SBF2: variants seen among roughly 807,000 people sequenced by gnomAD.
SBF2 encodes the protein SET binding factor 2.
A neutral mutation model predicts 225.2 loss-of-function variants in SBF2; 112 were observed. The ratio of observed to expected loss-of-function variants is 0.50; its 90% confidence interval spans 0.43 to 0.58. SBF2 has a LOEUF of 0.58. SBF2 is among the 20% of genes least tolerant of loss of function. The pLI is 0.00. For synonymous variants in SBF2, 763 were observed against 773.3 expected (o/e 0.99, Z 0.22); for missense variants, 1,996 against 2,206.2 (o/e 0.90, Z 1.91).
chr11:9,829,453 C>T lies in SBF2; in HGVS notation c.3696G>A (p.Glu1232=), dbSNP rs1305230026. Residue 1232 remains glutamate, a synonymous_variant, in exon 28 of 40, where the codon GAG becomes GAA. Transcript: ENST00000256190. ...SLESSSSIEQ[E]KYLQALLNAV... ...CATTCAGTAAGGCTTGCAAGTATTT[C>T]TCTTGTTCTATGCTACTGGAAGATT... is the stretch of plus-strand genomic sequence containing the variant. 2 of 1,613,386 alleles carry T rather than the reference C, an allele frequency of 1.2e-6. No homozygotes were observed. The highest frequency in any genetic ancestry group is 2.7e-5 in the African/African-American group (2 of 74,926).
intron 5 of SBF2, among the ~76,000 whole-genome samples, chr11:10,029,411 T>C (rs1025703804): frequency 6.6e-6 from 1 of 152,170 alleles, no homozygotes; most frequent in African/African-American, 2.4e-5. Flanking sequence ...TTAATAAAAA[T>C]GAGATGTAAC....
At position 9,785,053 on chromosome 11, in the gene SBF2, G is replaced by C. The variant is rs1852280485; in HGVS notation, c.5231+72C>G. 4 of 1,325,326 alleles carry C rather than the reference G, an allele frequency of 3.0e-6. No homozygotes were observed. The South Asian group carries it at 4.7e-5, about 16-fold the overall frequency. 82.1% of individuals were successfully genotyped at this position (1,325,326 alleles called of 1,614,324 possible). The stretch of plus-strand genomic sequence containing the variant: ...CTGTACTGCACAGGCCTAGCTTATT[G>C]AGGGACCTGTGGTTTAGCCTCAGGT... On this transcript the variant is annotated intron_variant, in intron 37 of 39. Transcript: ENST00000256190.
chr11:10,246,147 AG>A (rs1717076858), intron 1 of SBF2, among the ~76,000 whole-genome samples: 1 of 152,254 alleles, frequency 6.6e-6, no homozygotes, highest in African/African-American at 2.4e-5. Context: ...ACACAAAAAA[AG>A]AAAGAGTGGG....
chr11:9,825,121 G>C (rs1854992017), intron 28 of SBF2, among the ~76,000 whole-genome samples: 1 of 152,096 alleles, frequency 6.6e-6, no homozygotes, highest in Non-Finnish European at 1.5e-5. Flanking sequence ...CAGTGCCTCA[G>C]AATATATATC....
At chr11:9,895,078 A>T (rs10770072) in intron 17 of SBF2, among the ~76,000 whole-genome samples, 78,061 of 152,066 alleles carry the variant, frequency 0.51, 20,668 homozygotes, top group African/African-American at 0.62. Context: ...ATTCATCCCT[A>T]AACCAAAATA....
intron 6 of SBF2, among the ~76,000 whole-genome samples, chr11:10,008,934 A>G (rs573746940): frequency 6.6e-6 from 1 of 152,360 alleles, no homozygotes; most frequent in South Asian, 2.1e-4. Context: ...CCTGCCAGAT[A>G]ATGGGGATAA....
chr11:9,849,627 T>C (rs1424489653), intron 22 of SBF2, among the ~76,000 whole-genome samples: 5 of 152,218 alleles, frequency 3.3e-5, no homozygotes, highest in Non-Finnish European at 5.9e-5. Flanking sequence ...ATAGTTAGCA[T>C]ATCCTTCCAC....
intron 6 of SBF2, among the ~76,000 whole-genome samples, chr11:10,008,288 C>A (rs529326400): frequency 1.3e-5 from 2 of 152,264 alleles, no homozygotes; most frequent in East Asian, 3.9e-4. Context: ...ACAAGAGGCC[C>A]TAGTGAAACA....
Position 9,962,070 on chromosome 11 carries a change from C to T in SBF2, c.1747G>A (p.Ala583Thr), listed in dbSNP as rs772548517. Reference protein sequence around the residue: ...PAALRALKGKAARQCLTDELG... With the variant: ...PAALRALKGKTARQCLTDELG... The stretch of plus-strand genomic sequence containing the variant: ...TCATCAGTGAGACACTGTCTTGCTG[C>T]CTTTCCTTTAAGGGCTCTGAGTGCA... Residue 583 changes from alanine (A) to threonine (T), a missense_variant, in exon 16 of 40, where the codon GCA (alanine) becomes ACA (threonine). Transcript: ENST00000256190. 2.5e-6 allele frequency: 4 copies of T among 1,614,078 alleles called. No homozygotes were observed. The highest frequency in any genetic ancestry group is 2.2e-5 in the East Asian group (1 of 44,866).
intron 1 of SBF2, among the ~76,000 whole-genome samples, chr11:10,228,534 A>G (rs887530407): frequency 2.1e-4 from 32 of 152,178 alleles, no homozygotes; most frequent in Admixed American, 8.5e-4. Flanking sequence ...AGCATGAAGC[A>G]TTGTTGAATT....
intron 32 of SBF2, among the ~76,000 whole-genome samples, chr11:9,803,635 T>C (rs982165203): frequency 5.9e-5 from 9 of 152,184 alleles, no homozygotes; most frequent in Non-Finnish European, 8.8e-5. Flanking sequence ...CTGACCCTAA[T>C]GTTTAGGTGT....
intron 13 of SBF2, among the ~76,000 whole-genome samples, chr11:9,983,377 C>T (rs1471599375): frequency 6.6e-6 from 1 of 152,128 alleles, no homozygotes; most frequent in Non-Finnish European, 1.5e-5. Context: ...TACACAACTC[C>T]AGTGAGCTGG....
chr11:10,204,052 G>A (rs1260957961), intron 1 of SBF2, among the ~76,000 whole-genome samples: 3 of 151,652 alleles, frequency 2.0e-5, no homozygotes, highest in Admixed American at 2.0e-4. Context: ...TCCCAAACAC[G>A]AAGAACACAC....
chr11:10,299,650 C>G (rs1160479954), intron 1 of SBF2, among the ~76,000 whole-genome samples: 2 of 150,976 alleles, frequency 1.3e-5, no homozygotes, highest in East Asian at 3.9e-4. Flanking sequence ...AGGCCGTGTG[C>G]TACTGAACAG....
At chr11:10,136,654 T>C (rs2135120149) in intron 2 of SBF2, among the ~76,000 whole-genome samples, 1 of 152,332 alleles carries the variant, frequency 6.6e-6, no homozygotes, top group East Asian at 1.9e-4. Context: ...TAAGGTACTC[T>C]TGTGGGACTG....
At chr11:10,038,073 G>C (rs1448877147) in intron 3 of SBF2, among the ~76,000 whole-genome samples, 4 of 151,884 alleles carry the variant, frequency 2.6e-5, no homozygotes, top group African/African-American at 7.2e-5. Flanking sequence ...ATACACAATA[G>C]GGTCTGCTTC....
chr11:9,787,601 A>C (rs201459533), intron 36 of SBF2, 33 bp downstream of exon 36: 148 of 1,575,288 alleles, frequency 9.4e-5, no homozygotes, highest in Non-Finnish European at 1.3e-4. Context: ...CAGAAAGCTC[A>C]GAAGTGGCTC....
At chr11:10,172,182 T>C (rs1289451206) in intron 2 of SBF2, among the ~76,000 whole-genome samples, 1 of 152,146 alleles carries the variant, frequency 6.6e-6, no homozygotes, top group Non-Finnish European at 1.5e-5. Context: ...ATCTTGGGTT[T>C]GGTTTGCTCT....
rs542694400 is a variant in SBF2, at chr11:10,120,712, C to T, written c.141+73190G>A. 3.6e-4 allele frequency among the ~76,000 whole-genome samples: 55 copies of T among 152,274 alleles called. 1 individual carries two copies. The South Asian group carries it at 1.0e-2, about 28-fold the overall frequency. On this transcript the variant is annotated intron_variant, in intron 2 of 39. Coordinates refer to ENST00000256190, the MANE Select transcript of SBF2 (RefSeq NM_030962.4). ...CTCAGCTCACTGCAACCTCCGCCTCCGGGTTCAAGCGATTCTCCTGCTTCA... is the reference window on the plus strand; with the variant it reads ...CTCAGCTCACTGCAACCTCCGCCTCTGGGTTCAAGCGATTCTCCTGCTTCA...
Sources: allele counts gnomAD v4.1 joint callset (sites outside exome capture counted in the v4.1 genomes callset), GRCh38; gene constraint gnomAD v4.1.1; transcripts MANE v1.5; gene names NCBI Gene and HGNC (gene_info 2026-07-23, HGNC 2026-07-21).